Variants in GRM5 observed in about 807,000 individuals in gnomAD.
GRM5 encodes the protein glutamate metabotropic receptor 5, also known as metabotropic glutamate receptor 5.
A neutral mutation model predicts 83.1 loss-of-function variants in GRM5; 19 were observed. The observed-to-expected ratio is 0.23, with a 90% CI of 0.16 to 0.34. The LOEUF (loss-of-function observed/expected upper bound fraction) is 0.34, where lower values mean the gene tolerates loss of function less well. Among genes scored for constraint, GRM5 ranks in the 10% least tolerant of loss-of-function variants. GRM5 has a pLI of 1.00. For synonymous variants in GRM5, 675 were observed against 633.6 expected (o/e 1.07, Z -0.98); for missense variants, 1,160 against 1,588.3 (o/e 0.73, Z 4.58).
rs555004659 is a variant in GRM5 at position 89,029,586 on chromosome 11, A to T, written c.661+17626T>A. Among the ~76,000 whole-genome samples, 6 of 152,280 alleles carry T rather than the reference A, an allele frequency of 3.9e-5. No homozygotes were observed. In the East Asian group the frequency reaches 1.2e-3, roughly 29 times the overall value. On this transcript the variant is annotated intron_variant, in intron 2 of 9. Transcript: ENST00000305447. ...TGAACATTAACATTACACATGTTAAAATTTAAGCGTTGAGTTTATTGAGGC... is the reference window on the plus strand; with the variant it reads ...TGAACATTAACATTACACATGTTAATATTTAAGCGTTGAGTTTATTGAGGC...
At chr11:88,825,083 C>A (rs996116112) in intron 3 of GRM5, among the ~76,000 whole-genome samples, 1 of 152,056 alleles carries the variant, frequency 6.6e-6, no homozygotes. Context: ...TTTCTTAGTG[C>A]CTTGGTCTGC....
intron 3 of GRM5, among the ~76,000 whole-genome samples, chr11:88,710,720 G>GTGCA (rs753500824): frequency 6.6e-6 from 1 of 151,956 alleles, no homozygotes; most frequent in Non-Finnish European, 1.5e-5. Context: ...GAGTGTGTGT[G>GTGCA]TGCATGCATG....
Position 88,645,274 on chromosome 11 carries a change from G to A in GRM5, c.1147+7894C>T, listed in dbSNP as rs1337996508. Reference sequence around the variant, plus strand: ...CTGGATTCCCTTGTAGCAAAAAGAAGACAAAAGGTAAATGAGGTGAAAAGT... The same window carrying A: ...CTGGATTCCCTTGTAGCAAAAAGAAAACAAAAGGTAAATGAGGTGAAAAGT... On this transcript the variant is annotated intron_variant, in intron 4 of 9. Coordinates refer to ENST00000305447, the MANE Select transcript of GRM5 (RefSeq NM_001143831.3). 3.3e-5 allele frequency among the ~76,000 whole-genome samples: 5 copies of A among 152,154 alleles called. No individual in the cohort carries two copies. In the East Asian group the frequency reaches 9.7e-4, roughly 29 times the overall value.
intron 3 of GRM5, among the ~76,000 whole-genome samples, chr11:88,728,942 A>G (rs140615503): frequency 0.025 from 3,863 of 152,322 alleles, 204 homozygotes; most frequent in Admixed American, 0.14. Context: ...AGCTGGAAGC[A>G]TTCCCTTTGA....
intron 7 of GRM5, among the ~76,000 whole-genome samples, chr11:88,577,081 C>T (rs1943126938): frequency 6.6e-6 from 1 of 152,066 alleles, no homozygotes; most frequent in African/African-American, 2.4e-5. Flanking sequence ...CCACTATATT[C>T]CTTCTGTGTT....
chr11:88,952,652 C>T, intron 2 of GRM5, among the ~76,000 whole-genome samples: 1 of 151,484 alleles, frequency 6.6e-6, no homozygotes, highest in Non-Finnish European at 1.5e-5. Flanking sequence ...CCCAGGAATG[C>T]TAATGTGGAA....
intron 8 of GRM5, among the ~76,000 whole-genome samples, chr11:88,566,291 A>G (rs1942872721): frequency 6.6e-6 from 1 of 151,976 alleles, no homozygotes; most frequent in Admixed American, 6.5e-5. Context: ...CTTTGGGATC[A>G]TTTATCACAT....
At chr11:88,740,394 A>G (rs1276610539) in intron 3 of GRM5, among the ~76,000 whole-genome samples, 1 of 152,042 alleles carries the variant, frequency 6.6e-6, no homozygotes, top group Non-Finnish European at 1.5e-5. Flanking sequence ...TAATATTTTA[A>G]TAAGACTATT....
chr11:88,873,389 C>T (rs557017907), intron 2 of GRM5, among the ~76,000 whole-genome samples: 4 of 151,620 alleles, frequency 2.6e-5, no homozygotes, highest in African/African-American at 7.2e-5. Flanking sequence ...GAAATATTCA[C>T]GTAACAGCCT....
At chr11:88,672,140 A>C (rs1940211629) in intron 3 of GRM5, among the ~76,000 whole-genome samples, 1 of 152,002 alleles carries the variant, frequency 6.6e-6, no homozygotes, top group African/African-American at 2.4e-5. Context: ...TTTTTCAAAA[A>C]TCCAGTGATA....
intron 4 of GRM5, among the ~76,000 whole-genome samples, chr11:88,608,602 T>C (rs1362114493): frequency 7.0e-6 from 1 of 141,972 alleles, no homozygotes; most frequent in Non-Finnish European, 1.5e-5. Flanking sequence ...CACTGCAAGC[T>C]CCATCTCCTG....
At chr11:88,739,546 C>T (rs1197043130) in intron 3 of GRM5, among the ~76,000 whole-genome samples, 1 of 151,986 alleles carries the variant, frequency 6.6e-6, no homozygotes, top group East Asian at 1.9e-4. Flanking sequence ...ACCAAAATCT[C>T]GTCTTGAATT....
chr11:88,727,691 C>T (rs1047738330), intron 3 of GRM5, among the ~76,000 whole-genome samples: 7 of 152,198 alleles, frequency 4.6e-5, no homozygotes, highest in Admixed American at 2.6e-4. Context: ...AACAGTCTCT[C>T]AGACCACAGT....
chr11:88,825,596 A>C (rs1275863769), intron 3 of GRM5, among the ~76,000 whole-genome samples: 1 of 152,222 alleles, frequency 6.6e-6, no homozygotes, highest in East Asian at 1.9e-4. Flanking sequence ...TGACAACACA[A>C]ATCACAAGTG....
intron 3 of GRM5, among the ~76,000 whole-genome samples, chr11:88,689,867 T>C (rs558202958): frequency 1.3e-5 from 2 of 152,300 alleles, no homozygotes; most frequent in South Asian, 4.1e-4. Flanking sequence ...CAGGGGGGTA[T>C]AAACAGGCCT....
chr11:88,770,759 T>C (rs1044080283), intron 3 of GRM5, among the ~76,000 whole-genome samples: 2 of 152,078 alleles, frequency 1.3e-5, no homozygotes, highest in Non-Finnish European at 2.9e-5. Flanking sequence ...GGGTTACATT[T>C]TGGGGGCATC....
At chr11:88,770,512 A>T (rs1942712658) in intron 3 of GRM5, among the ~76,000 whole-genome samples, 1 of 152,140 alleles carries the variant, frequency 6.6e-6, no homozygotes, top group African/African-American at 2.4e-5. Context: ...TTAAAAATGA[A>T]GTTGATTCAT....
intron 3 of GRM5, among the ~76,000 whole-genome samples, chr11:88,782,232 C>A (rs1301267716): frequency 6.6e-6 from 1 of 151,978 alleles, no homozygotes; most frequent in African/African-American, 2.4e-5. Context: ...TCTGTTTTCA[C>A]ACTGCTGATA....
intron 4 of GRM5, among the ~76,000 whole-genome samples, chr11:88,652,791 A>C (rs546868378): frequency 1.9e-4 from 29 of 152,182 alleles, no homozygotes; most frequent in African/African-American, 7.0e-4. Flanking sequence ...AACCGTTACT[A>C]TGTGCTTCCA....
Sources: allele counts gnomAD v4.1 joint callset (sites outside exome capture counted in the v4.1 genomes callset), GRCh38; gene constraint gnomAD v4.1.1; transcripts MANE v1.5; gene names NCBI Gene and HGNC (gene_info 2026-07-23, HGNC 2026-07-21).